The following SNTG1 variants were observed in gnomAD, a reference collection of about 807,000 sequenced individuals.
SNTG1 encodes syntrophin gamma 1.
SNTG1 carries 39 observed loss-of-function variants against 74.7 expected under a neutral mutation model. The ratio of observed to expected loss-of-function variants is 0.52; its 90% CI spans 0.40 to 0.68. SNTG1 has a LOEUF of 0.68. Ranked by LOEUF, SNTG1 falls within the 30% of genes least tolerant of loss-of-function variation. The probability of loss-of-function intolerance (pLI) is 0.00; values close to 1 mark genes in which losing one functional copy is unlikely to be tolerated. For synonymous variants in SNTG1, 254 were observed against 217.1 expected (o/e 1.17, Z -1.49); for missense variants, 685 against 609.5 (o/e 1.12, Z -1.30).
At chr8:50,613,827 T>A (rs1005460769) in intron 13 of SNTG1, among the ~76,000 whole-genome samples, 14 of 152,096 alleles carry the variant, frequency 9.2e-5, no homozygotes, top group African/African-American at 2.9e-4. Context: ...AACGATAACA[T>A]AAATTTGTAC....
intron 1 of SNTG1, among the ~76,000 whole-genome samples, chr8:50,001,908 T>A (rs1270814858): frequency 6.6e-6 from 1 of 152,132 alleles, no homozygotes; most frequent in African/African-American, 2.4e-5. Context: ...GTTTTGTAGA[T>A]AAGAACAATA....
chr8:50,750,017 G>A (rs1376003204), intron 17 of SNTG1, among the ~76,000 whole-genome samples: 2 of 151,924 alleles, frequency 1.3e-5, no homozygotes, highest in East Asian at 3.9e-4. Context: ...GATGGATCTT[G>A]GCAGTCAATT....
intron 18 of SNTG1, among the ~76,000 whole-genome samples, chr8:50,752,479 T>A (rs1219739427): frequency 6.6e-6 from 1 of 151,950 alleles, no homozygotes; most frequent in Admixed American, 6.6e-5. Context: ...AATTTATATA[T>A]TTACATTTTA....
At chr8:50,676,008 T>A (rs1285352122) in intron 15 of SNTG1, among the ~76,000 whole-genome samples, 1 of 152,112 alleles carries the variant, frequency 6.6e-6, no homozygotes, top group African/African-American at 2.4e-5. Flanking sequence ...CCACTGTTAG[T>A]CTGATGGGCT....
rs1406393476 is a variant in SNTG1 at position 50,473,547 on chromosome 8, T to C, written c.363+22818T>C. On this transcript the variant is annotated intron_variant, in intron 8 of 18. Coordinates refer to ENST00000642720, the MANE Select transcript of SNTG1 (RefSeq NM_018967.5). ...AGTTAAAAACATAGCTACCATATGA[T>C]CCAGAGTGTCTCCTCTGGGTTTATA... Among the ~76,000 whole-genome samples the C allele has an allele frequency of 4.6e-5, 7 of 152,288 alleles. 1 individual carries two copies. Among genetic ancestry groups the C allele is most frequent in the African/African-American group, 1.7e-4 (7 of 41,564 alleles).
At chr8:50,205,351 G>C (rs1394984625) in intron 2 of SNTG1, among the ~76,000 whole-genome samples, 2 of 152,064 alleles carry the variant, frequency 1.3e-5, no homozygotes, top group Non-Finnish European at 2.9e-5. Context: ...TGTGTCTGTT[G>C]GCTGCACAAA....
At chr8:50,449,622 A>ATTT in intron 5 of SNTG1, 46 bp from the exon 6 acceptor site, 2 of 1,464,428 alleles carry the variant, frequency 1.4e-6, no homozygotes, top group African/African-American at 2.8e-5. Flanking sequence ...TAAAAGCAGC[A>ATTT]TTTTTTTTAG....
At chr8:50,526,875 TC>T (rs1407753156) in intron 9 of SNTG1, among the ~76,000 whole-genome samples, 4 of 151,864 alleles carry the variant, frequency 2.6e-5, no homozygotes, top group African/African-American at 9.7e-5. Context: ...TCCCGCCTCA[TC>T]CACCAAAAGT....
At chr8:50,593,732 T>TC (rs1480700053) in intron 13 of SNTG1, among the ~76,000 whole-genome samples, 1 of 151,370 alleles carries the variant, frequency 6.6e-6, no homozygotes, top group African/African-American at 2.4e-5. Flanking sequence ...TTTTTTTTTT[T>TC]TGAGAGACAG....
At chr8:50,488,931 C>A (rs1390806878) in intron 8 of SNTG1, among the ~76,000 whole-genome samples, 1 of 152,042 alleles carries the variant, frequency 6.6e-6, no homozygotes, top group Admixed American at 6.6e-5. Context: ...TCCCATAGCC[C>A]CCCACCCCAC....
At chr8:50,466,952 A>AT (rs1303452200) in intron 8 of SNTG1, among the ~76,000 whole-genome samples, 2 of 151,848 alleles carry the variant, frequency 1.3e-5, no homozygotes, top group Middle Eastern at 3.2e-3. Context: ...CTTCTGGTAG[A>AT]TTTTTTGATA....
At chr8:50,556,237 G>T (rs1249472665) in intron 12 of SNTG1, among the ~76,000 whole-genome samples, 1 of 152,106 alleles carries the variant, frequency 6.6e-6, no homozygotes, top group Non-Finnish European at 1.5e-5. Context: ...TTAGGGACTT[G>T]TCTTAAGCTG....
chr8:50,224,248 T>G (rs1214478689), intron 2 of SNTG1, among the ~76,000 whole-genome samples: 1 of 152,156 alleles, frequency 6.6e-6, no homozygotes, highest in African/African-American at 2.4e-5. Context: ...CTTACATTGT[T>G]TTAAATATTT....
intron 10 of SNTG1, among the ~76,000 whole-genome samples, chr8:50,531,248 C>A (rs1424737932): frequency 3.3e-5 from 5 of 151,954 alleles, no homozygotes; most frequent in Non-Finnish European, 7.4e-5. Flanking sequence ...TTGCCAACAC[C>A]AAAGGTTATC....
intron 1 of SNTG1, among the ~76,000 whole-genome samples, chr8:50,127,598 C>T (rs1393829632): frequency 6.6e-6 from 1 of 152,134 alleles, no homozygotes; most frequent in Non-Finnish European, 1.5e-5. Context: ...TGCAGGGAAG[C>T]CTCCTGGTCT....
At chr8:50,693,191 C>G (rs1296435161) in intron 15 of SNTG1, among the ~76,000 whole-genome samples, 1 of 152,190 alleles carries the variant, frequency 6.6e-6, no homozygotes, top group African/African-American at 2.4e-5. Context: ...TCCCTGACCC[C>G]TTGCACTTCC....
intron 1 of SNTG1, among the ~76,000 whole-genome samples, chr8:50,095,533 A>T (rs1034028748): frequency 6.6e-6 from 1 of 152,196 alleles, no homozygotes; most frequent in Non-Finnish European, 1.5e-5. Flanking sequence ...AGATTTTTAT[A>T]CAAGCACATT....
chr8:50,209,374 G>T (rs904748411), intron 2 of SNTG1, among the ~76,000 whole-genome samples: 1 of 152,158 alleles, frequency 6.6e-6, no homozygotes, highest in Admixed American at 6.5e-5. Flanking sequence ...AGAAAGTAGT[G>T]GTTCTCCGAG....
Position 50,154,652 on chromosome 8 carries a change from CT to C in SNTG1, c.-102-17906del, listed in dbSNP as rs1375613257. On this transcript the variant is annotated intron_variant, in intron 1 of 18. Coordinates refer to ENST00000642720, the MANE Select transcript of SNTG1 (RefSeq NM_018967.5). ...TCTCTGTGATATTCTTCACAAAAAT[CT>C]TTAAACCTAGTCTAACCATGGGGAA... 2.6e-5 allele frequency among the ~76,000 whole-genome samples: 4 copies of C among 152,186 alleles called. No homozygotes were observed. The East Asian group carries it at 7.7e-4, about 29-fold the overall frequency.
Sources: gnomAD v4.1 joint callset for allele counts (sites outside exome capture counted in the v4.1 genomes callset) on GRCh38, gnomAD v4.1.1 for gene constraint, MANE v1.5 for transcripts, NCBI Gene and HGNC (gene_info 2026-07-23, HGNC 2026-07-21) for gene names.